HDHD5: variants seen among roughly 807,000 people sequenced by gnomAD.
HDHD5 encodes the protein haloacid dehalogenase like hydrolase domain containing 5, also known as haloacid dehalogenase-like hydrolase domain-containing 5.
A neutral mutation model predicts 35.5 loss-of-function variants in HDHD5; 34 were observed. The observed-to-expected ratio is 0.96, with a 90% confidence interval of 0.73 to 1.28. HDHD5 has a LOEUF of 1.28. Ranked by LOEUF, HDHD5 falls within the 50% of genes most tolerant of loss-of-function variation. HDHD5 has a pLI of 0.00. For synonymous variants in HDHD5, 248 were observed against 240.6 expected (o/e 1.03, Z -0.29); for missense variants, 589 against 560.2 (o/e 1.05, Z -0.52).
At position 17,143,175 on chromosome 22, in the gene HDHD5, C is replaced by T. The variant is rs367588837; in HGVS notation, c.538-44G>A. 128 of 1,596,570 alleles carry T rather than the reference C, an allele frequency of 8.0e-5. No individual in the cohort carries two copies. The Middle Eastern group carries it at 1.3e-3, about 16-fold the overall frequency. On this transcript the variant is annotated intron_variant, in intron 4 of 7. Coordinates refer to ENST00000336737, the MANE Select transcript of HDHD5 (RefSeq NM_033070.3). ...GAGGCTATCAACACAAGTCGCCTTC[C>T]ACTCCAGGAGAACCACAACCCCACC... is the stretch of plus-strand genomic sequence containing the variant.
chr22:17,159,256 C>A lies in HDHD5; in HGVS notation c.-5G>T, dbSNP rs564228517. ...CACACAGCCCCACGCAGCCATCCGG[C>A]CGTCGCCGTGCGCACGTGCACGGCG... On this transcript the variant is annotated 5_prime_UTR_variant, in exon 1 of 8. Coordinates refer to ENST00000336737, the MANE Select transcript of HDHD5 (RefSeq NM_033070.3). 7.1e-6 allele frequency: 9 copies of A among 1,271,462 alleles called. No individual in the cohort carries two copies. The East Asian group carries it at 3.5e-4, about 49-fold the overall frequency. 78.8% of individuals were successfully genotyped at this position (1,271,462 alleles called of 1,614,324 possible). A position where few individuals can be genotyped will look rare whatever the true frequency, so the allele number is the denominator to read the frequency against.
At chr22:17,151,960 T>C (rs909346520) in intron 1 of HDHD5, among the ~76,000 whole-genome samples, 4 of 152,106 alleles carry the variant, frequency 2.6e-5, no homozygotes, top group African/African-American at 4.8e-5. Flanking sequence ...AGCCAGACAA[T>C]GAAAGTGTTA....
intron 1 of HDHD5, among the ~76,000 whole-genome samples, chr22:17,150,711 G>T (rs1378779994): frequency 6.6e-6 from 1 of 152,094 alleles, no homozygotes; most frequent in Non-Finnish European, 1.5e-5. Context: ...TGGAGACGAG[G>T]TTATGCCATG....
chr22:17,156,406 T>A (rs1002402084), intron 1 of HDHD5, among the ~76,000 whole-genome samples: 1 of 151,778 alleles, frequency 6.6e-6, no homozygotes, highest in Non-Finnish European at 1.5e-5. Flanking sequence ...AGGTCAGGAG[T>A]TCGAGACCAG....
At chr22:17,148,414 T>G (rs745994382) in intron 3 of HDHD5, 34 bp downstream of exon 3, 3 of 1,555,744 alleles carry the variant, frequency 1.9e-6, no homozygotes, top group Non-Finnish European at 2.7e-6. Flanking sequence ...GCCCTGCCCC[T>G]TCCCTTCAGC....
upstream of HDHD5, chr22:17,159,382 G>A (rs760853847): frequency 2.7e-4 from 292 of 1,080,484 alleles, no homozygotes; most frequent in Non-Finnish European, 3.5e-4. Context: ...CGCGGAGCCC[G>A]TCGGGCGCCT....
chr22:17,149,751 G>A lies in HDHD5; in HGVS notation c.127-6C>T, dbSNP rs765285721. The A allele has an allele frequency of 4.3e-6, 7 of 1,613,390 alleles. No homozygotes were observed. The Admixed American group carries it at 8.3e-5, about 19-fold the overall frequency. On this transcript the variant is annotated splice_polypyrimidine_tract_variant and splice_region_variant and intron_variant, in intron 1 of 7. Coordinates refer to ENST00000336737, the MANE Select transcript of HDHD5 (RefSeq NM_033070.3). ...AACCCAAAGGTGGGTGGGCTCTGCA[G>A]AGATGGTAAGATAATTACCAGTACG...
rs140833928 is a variant in HDHD5, at chr22:17,140,376, G to A, written c.746+683C>T. On this transcript the variant is annotated intron_variant, in intron 6 of 7. Transcript: ENST00000336737. Reference sequence around the variant, plus strand: ...GGAGTATAGGCACCTGCATGCCCCTGAGAAAGCCACTTATCTGCTGGGTCT... The same window carrying A: ...GGAGTATAGGCACCTGCATGCCCCTAAGAAAGCCACTTATCTGCTGGGTCT... Among the ~76,000 whole-genome samples, 73 of 152,308 alleles carry A rather than the reference G, an allele frequency of 4.8e-4. 1 individual carries two copies. Among genetic ancestry groups the A allele is most frequent in the Middle Eastern group, 3.4e-3 (1 of 294 alleles).
At chr22:17,145,277 C>T in intron 3 of HDHD5, 160 bp from the exon 4 acceptor site, 2 of 811,482 alleles carry the variant, frequency 2.5e-6, no homozygotes, top group Non-Finnish European at 1.5e-6. Flanking sequence ...CCTGCAGGTG[C>T]TGGCAGGCAG....
chr22:17,158,433 G>A (rs73149863), intron 1 of HDHD5: 33,838 of 152,236 alleles, frequency 0.22, 4,748 homozygotes, highest in East Asian at 0.51. Flanking sequence ...CCAAGGGAGC[G>A]TGAGAGCCGT....
Position 17,137,844 on chromosome 22 carries a change from CA to C in HDHD5, c.*176del. On this transcript the variant is annotated 3_prime_UTR_variant, in exon 8 of 8. Coordinates refer to ENST00000336737, the MANE Select transcript of HDHD5 (RefSeq NM_033070.3). Reference sequence around the variant, plus strand: ...CCGTTCCATACAAAATGCTACCCAGCAGGGAAAAAGAGTCACTGTCTTCTTC... The same window carrying C: ...CCGTTCCATACAAAATGCTACCCAGCGGGAAAAAGAGTCACTGTCTTCTTC... The C allele has an allele frequency of 3.4e-6, 2 of 594,746 alleles. No homozygotes were observed. Among genetic ancestry groups the C allele is most frequent in the Non-Finnish European group, 5.9e-6 (2 of 337,966 alleles). 36.8% of individuals were successfully genotyped at this position (594,746 alleles called of 1,614,324 possible). A position where few individuals can be genotyped will look rare whatever the true frequency, so the allele number is the denominator to read the frequency against.
At chr22:17,154,790 AAT>A (rs2061767401) in intron 1 of HDHD5, among the ~76,000 whole-genome samples, 1 of 74,872 alleles carries the variant, frequency 1.3e-5, no homozygotes, top group South Asian at 3.8e-4. Context: ...ATGCCTGGCT[AAT>A]TTTTTTTTTT....
chr22:17,140,566 G>A (rs1714842077), intron 6 of HDHD5, among the ~76,000 whole-genome samples: 1 of 152,074 alleles, frequency 6.6e-6, no homozygotes, highest in South Asian at 2.1e-4. Flanking sequence ...GCCTGGATGA[G>A]AGAGTGAGAC....
In HDHD5 at chr22:17,137,913, T is replaced by TG. The variant is rs2061551485; in HGVS notation, c.*107dup. The TG allele has an allele frequency of 1.2e-6, 1 of 840,606 alleles. No homozygotes were observed. 52.1% of individuals were successfully genotyped at this position (840,606 alleles called of 1,614,324 possible). A position where few individuals can be genotyped will look rare whatever the true frequency, so the allele number is the denominator to read the frequency against. On this transcript the variant is annotated 3_prime_UTR_variant, in exon 8 of 8. Transcript: ENST00000336737. ...CACACTCATGGGGCAGCAAGAAGGG[T>TG]GGCAAGGGAACCAAGCCCTGACCTG...
In HDHD5 at chr22:17,159,154, CG is replaced by C; in HGVS notation, c.97del (p.Arg33AlafsTer31). 2 of 1,223,806 alleles carry C rather than the reference CG, an allele frequency of 1.6e-6. No individual in the cohort carries two copies. Among genetic ancestry groups the C allele is most frequent in the Middle Eastern group, 3.0e-4 (1 of 3,388 alleles). The allele number at this position is 1,223,806 out of a possible 1,614,324, so 75.8% of individuals were successfully genotyped here. On this transcript the variant is annotated frameshift_variant, in exon 1 of 8. Transcript: ENST00000336737. LOFTEE classifies it high-confidence loss of function. ...AGCGGGGCCCACAGCATAGCACCTG[CG>C]GGCGGGGCGGCCCTGGAGCCCCGCA... ...AAAGLQGRPA[R>X]RCYAVGPAQS...
chr22:17,145,558 A>C (rs2061653048), intron 3 of HDHD5, among the ~76,000 whole-genome samples: 2 of 152,132 alleles, frequency 1.3e-5, no homozygotes, highest in Admixed American at 1.3e-4. Flanking sequence ...TCAGCTAGGC[A>C]TGGTGGTGCA....
chr22:17,146,304 C>A (rs1449765514), intron 3 of HDHD5, among the ~76,000 whole-genome samples: 2 of 150,774 alleles, frequency 1.3e-5, no homozygotes, highest in Non-Finnish European at 3.0e-5. Context: ...ACCTGTGGCG[C>A]CCTCCTGTGA....
chr22:17,159,827 T>G (rs1011546115), upstream of HDHD5: 1 of 275,960 alleles, frequency 3.6e-6, no homozygotes, highest in African/African-American at 2.4e-5. Context: ...GAGGCACGAA[T>G]GTAGTACAAG....
Position 17,137,864 on chromosome 22 carries a change from C to A in HDHD5, c.*157G>T. ...CCCAGCAGGGAAAAAGAGTCACTGT[C>A]TTCTTCCAAGTGACCAGTAATGCCA... is the stretch of plus-strand genomic sequence containing the variant. On this transcript the variant is annotated 3_prime_UTR_variant, in exon 8 of 8. Transcript: ENST00000336737. 1 of 621,230 alleles carries A rather than the reference C, an allele frequency of 1.6e-6. No individual in the cohort carries two copies. The highest frequency in any genetic ancestry group is 2.8e-6 in the Non-Finnish European group (1 of 357,172). The allele number at this position is 621,230 out of a possible 1,614,324, so 38.5% of individuals were successfully genotyped here.
Sources: gnomAD v4.1 joint callset for allele counts (sites outside exome capture counted in the v4.1 genomes callset) on GRCh38, gnomAD v4.1.1 for gene constraint, MANE v1.5 for transcripts, NCBI Gene and HGNC (gene_info 2026-07-23, HGNC 2026-07-21) for gene names.